TCERG1L: variants seen among roughly 807,000 people sequenced by gnomAD.
TCERG1L encodes the protein transcription elongation regulator 1 like.
A neutral mutation model predicts 56.3 loss-of-function variants in TCERG1L; 37 were observed. That is an observed-to-expected ratio of 0.66 (90% CI 0.51 to 0.87). TCERG1L has a LOEUF of 0.87. TCERG1L is among the 40% of genes least tolerant of loss of function. TCERG1L has a pLI of 0.00. For synonymous variants in TCERG1L, 324 were observed against 326.3 expected, an observed-to-expected ratio of 0.99 and a Z score of 0.08; for missense variants, 799 against 774.2, an observed-to-expected ratio of 1.03 and a Z score of -0.38.
chr10:131,111,872 G>A (rs1038470675), intron 9 of TCERG1L, among the ~76,000 whole-genome samples: 1 of 143,554 alleles, frequency 7.0e-6, no homozygotes, highest in African/African-American at 2.5e-5. Context: ...CCTTGCAGCT[G>A]CCAAATAAGA....
At chr10:131,220,162 C>A (rs1845714593) in intron 4 of TCERG1L, among the ~76,000 whole-genome samples, 3 of 152,216 alleles carry the variant, frequency 2.0e-5, no homozygotes, top group Admixed American at 2.0e-4. Context: ...GGCGACTGTT[C>A]CCTGCCATGC....
chr10:131,206,615 G>T (rs1845530608), intron 4 of TCERG1L, among the ~76,000 whole-genome samples: 1 of 152,134 alleles, frequency 6.6e-6, no homozygotes, highest in South Asian at 2.1e-4. Flanking sequence ...GTGAAGGAGG[G>T]GCAGAGGTCA....
intron 4 of TCERG1L, among the ~76,000 whole-genome samples, chr10:131,237,975 T>A (rs1845931203): frequency 6.6e-6 from 1 of 152,240 alleles, no homozygotes; most frequent in Non-Finnish European, 1.5e-5. Context: ...AGAGCCCTAA[T>A]GTGGAGCATC....
intron 4 of TCERG1L, among the ~76,000 whole-genome samples, chr10:131,255,653 T>C (rs535017616): frequency 6.6e-6 from 1 of 152,344 alleles, no homozygotes; most frequent in South Asian, 2.1e-4. Context: ...GAGGGTGAAT[T>C]GGAGCTAACA....
At position 131,309,834 on chromosome 10, in the gene TCERG1L, C is replaced by CAAAAAAAAAAAAAAAAAAAAAA. The variant is rs58892586; in HGVS notation, c.343-557_343-536dup. On this transcript the variant is annotated intron_variant, in intron 1 of 11. Transcript: ENST00000368642. ...TCACCAATACAAATAGATTCTATGG[C>CAAAAAAAAAAAAAAAAAAAAAA]AAAAAAAAAAAAAAAAAAAAAAAAA... 5.4e-4 allele frequency among the ~76,000 whole-genome samples: 27 copies of CAAAAAAAAAAAAAAAAAAAAAA among 49,826 alleles called. 3 individuals carry two copies. Among genetic ancestry groups the CAAAAAAAAAAAAAAAAAAAAAA allele is most frequent in the Non-Finnish European group, 8.4e-4 (24 of 28,712 alleles). 32.7% of individuals were successfully genotyped at this position (49,826 alleles called of 152,430 possible).
intron 8 of TCERG1L, among the ~76,000 whole-genome samples, chr10:131,128,998 C>T (rs1221606267): frequency 1.3e-5 from 2 of 152,156 alleles, no homozygotes; most frequent in African/African-American, 4.8e-5. Flanking sequence ...TATGTCCAAA[C>T]CATGCTCCAG....
chr10:131,306,177 T>C (rs1442862028), intron 3 of TCERG1L, among the ~76,000 whole-genome samples: 2 of 152,170 alleles, frequency 1.3e-5, no homozygotes, highest in Non-Finnish European at 2.9e-5. Context: ...TAGTAACACA[T>C]AAATAACCCC....
chr10:131,223,309 C>T (rs369619142), intron 4 of TCERG1L, among the ~76,000 whole-genome samples: 12 of 152,210 alleles, frequency 7.9e-5, no homozygotes, highest in African/African-American at 2.9e-4. Flanking sequence ...AGACCCCAAT[C>T]CAGGCGTCAA....
intron 4 of TCERG1L, among the ~76,000 whole-genome samples, chr10:131,215,048 G>A (rs918001937): frequency 2.6e-5 from 4 of 152,216 alleles, no homozygotes; most frequent in African/African-American, 7.2e-5. Context: ...TTGCAGGTGA[G>A]TGGGAGGCAG....
At chr10:131,179,881 C>T (rs140417218) in intron 4 of TCERG1L, among the ~76,000 whole-genome samples, 106 of 152,294 alleles carry the variant, frequency 7.0e-4, no homozygotes, top group African/African-American at 2.3e-3. Flanking sequence ...GAAGTGGCCA[C>T]CAGCAGGTCT....
intron 4 of TCERG1L, among the ~76,000 whole-genome samples, chr10:131,170,017 G>C (rs965115206): frequency 1.3e-5 from 2 of 152,198 alleles, no homozygotes; most frequent in Non-Finnish European, 2.9e-5. Context: ...TCTTAGAGGA[G>C]ATATTGTTGA....
At chr10:131,148,709 G>A (rs1482820476) in intron 6 of TCERG1L, among the ~76,000 whole-genome samples, 15 of 113,616 alleles carry the variant, frequency 1.3e-4, no homozygotes, top group Non-Finnish European at 6.3e-5. Context: ...AGGGTTGCAG[G>A]GGCCTCTGGA....
chr10:131,280,297 T>C (rs1034414116), intron 3 of TCERG1L, among the ~76,000 whole-genome samples: 2 of 151,920 alleles, frequency 1.3e-5, no homozygotes, highest in African/African-American at 4.8e-5. Context: ...TTGAATAGAA[T>C]GGGAGGCAGG....
intron 3 of TCERG1L, among the ~76,000 whole-genome samples, chr10:131,263,473 T>C (rs1169562830): frequency 6.6e-6 from 1 of 152,188 alleles, no homozygotes; most frequent in Admixed American, 6.5e-5. Flanking sequence ...TCACACCACA[T>C]CTGTGGCTTT....
intron 4 of TCERG1L, among the ~76,000 whole-genome samples, chr10:131,228,151 C>T (rs1845814055): frequency 6.6e-6 from 1 of 151,678 alleles, no homozygotes. Flanking sequence ...TCCTCAAGGC[C>T]TCCGGAGTCT....
intron 4 of TCERG1L, among the ~76,000 whole-genome samples, chr10:131,231,212 G>C (rs1452895408): frequency 3.9e-5 from 6 of 152,228 alleles, no homozygotes; most frequent in Admixed American, 3.9e-4. Flanking sequence ...CAGCACGGCG[G>C]ACACTGAGGG....
intron 9 of TCERG1L, among the ~76,000 whole-genome samples, chr10:131,112,032 T>C (rs1455303863): frequency 1.4e-5 from 2 of 142,786 alleles, no homozygotes; most frequent in African/African-American, 4.9e-5. Flanking sequence ...CCTGTTTCTT[T>C]CTGCCTCCCC....
At chr10:131,201,942 A>G (rs1324262434) in intron 4 of TCERG1L, among the ~76,000 whole-genome samples, 1 of 152,204 alleles carries the variant, frequency 6.6e-6, no homozygotes, top group African/African-American at 2.4e-5. Context: ...AGAAAGCTCT[A>G]ACAAGTCCCA....
intron 4 of TCERG1L, among the ~76,000 whole-genome samples, chr10:131,198,415 G>C (rs1376666554): frequency 2.0e-5 from 3 of 152,270 alleles, no homozygotes; most frequent in Non-Finnish European, 4.4e-5. Context: ...TCAAGACAGA[G>C]CGTCTGGCCC....
Sources: gnomAD v4.1 joint callset for allele counts (sites outside exome capture counted in the v4.1 genomes callset) on GRCh38, gnomAD v4.1.1 for gene constraint, MANE v1.5 for transcripts, NCBI Gene and HGNC (gene_info 2026-07-23, HGNC 2026-07-21) for gene names.